BMERB1: variants seen among roughly 807,000 people sequenced by gnomAD.
The protein encoded by BMERB1 is bMERB domain-containing protein 1.
In BMERB1, 12 loss-of-function variants were observed where a neutral mutation model predicts 23.6. The observed-to-expected ratio is 0.51, with a 90% CI of 0.33 to 0.82. The LOEUF is 0.82. Among genes scored for constraint, BMERB1 ranks in the 40% least tolerant of loss-of-function variants. The pLI is 0.03. For synonymous variants in BMERB1, 122 were observed against 96.6 expected (o/e 1.26, Z -1.54); for missense variants, 247 against 255.4 (o/e 0.97, Z 0.22).
At chr16:15,468,959 T>C (rs952456163) in intron 1 of BMERB1, among the ~76,000 whole-genome samples, 1 of 150,906 alleles carries the variant, frequency 6.6e-6, no homozygotes, top group Non-Finnish European at 1.5e-5. Context: ...ATAAATCATC[T>C]TCACACTTTT....
chr16:15,513,115 C>T (rs767424764), intron 1 of BMERB1, among the ~76,000 whole-genome samples: 2 of 152,046 alleles, frequency 1.3e-5, no homozygotes, highest in African/African-American at 2.4e-5. Context: ...CCCCCACTAC[C>T]GATCAAAGGC....
At position 15,541,423 on chromosome 16, in the gene BMERB1, G is replaced by GTT. The variant is rs869249451; in HGVS notation, c.230+26016_230+26017dup. Among the ~76,000 whole-genome samples, 316 of 92,062 alleles carry GTT rather than the reference G, an allele frequency of 3.4e-3. 1 individual carries two copies. Among genetic ancestry groups the GTT allele is most frequent in the Non-Finnish European group, 4.8e-3 (248 of 51,974 alleles). 60.4% of individuals were successfully genotyped at this position (92,062 alleles called of 152,430 possible). A position where few individuals can be genotyped will look rare whatever the true frequency, so the allele number is the denominator to read the frequency against. On this transcript the variant is annotated intron_variant, in intron 2 of 5. Coordinates refer to ENST00000300006, the MANE Select transcript of BMERB1 (RefSeq NM_033201.3). ...GGGACTGGAAGTTGCCCGCCGAATT[G>GTT]TTTTTTTTTTTTTTTTTTTTTTGAG...
chr16:15,523,039 T>C (rs2051872016), intron 2 of BMERB1, among the ~76,000 whole-genome samples: 1 of 151,988 alleles, frequency 6.6e-6, no homozygotes, highest in Non-Finnish European at 1.5e-5. Context: ...TTTTATTGAG[T>C]GGAGGTAGCT....
At chr16:15,485,727 C>G (rs1347930478) in intron 1 of BMERB1, among the ~76,000 whole-genome samples, 2 of 149,894 alleles carry the variant, frequency 1.3e-5, no homozygotes, top group Admixed American at 1.3e-4. Flanking sequence ...AAAAAAAAAG[C>G]AAACAAACAA....
At chr16:15,585,393 A>G (rs2031115705) in intron 5 of BMERB1, among the ~76,000 whole-genome samples, 1 of 152,204 alleles carries the variant, frequency 6.6e-6, no homozygotes, top group Admixed American at 6.5e-5. Flanking sequence ...TGAAAAATAA[A>G]AACTATTGTA....
At chr16:15,573,866 G>T (rs1294211063) in intron 3 of BMERB1, among the ~76,000 whole-genome samples, 1 of 148,272 alleles carries the variant, frequency 6.7e-6, no homozygotes, top group East Asian at 2.0e-4. Context: ...GGAAGGTCAA[G>T]GAGAAGCAAG....
chr16:15,546,025 G>A (rs948808118), intron 2 of BMERB1, among the ~76,000 whole-genome samples: 3 of 152,118 alleles, frequency 2.0e-5, no homozygotes, highest in Non-Finnish European at 4.4e-5. Context: ...AGGGGCTCAC[G>A]CCTGTAATCC....
chr16:15,437,734 G>T lies in BMERB1; in HGVS notation c.106+2975G>T, dbSNP rs546885850. 5.9e-5 allele frequency among the ~76,000 whole-genome samples: 9 copies of T among 152,180 alleles called. No homozygotes were observed. In the East Asian group the frequency reaches 1.2e-3, roughly 20 times the overall value. On this transcript the variant is annotated intron_variant, in intron 1 of 5. Transcript: ENST00000300006. ...AGCACTTTGGGAGGCCGAGGCGGGC[G>T]GATCACAAGGTCAGGAGATCAAGAC... is the stretch of plus-strand genomic sequence containing the variant.
At chr16:15,581,164 A>G in intron 3 of BMERB1, 53 bp from the exon 4 acceptor site, 1 of 1,382,340 alleles carries the variant, frequency 7.2e-7, no homozygotes, top group South Asian at 1.3e-5. Context: ...TGATCCGCCC[A>G]CCTCAGCCTC....
chr16:15,519,128 G>C (rs2051818267), intron 2 of BMERB1, among the ~76,000 whole-genome samples: 1 of 148,364 alleles, frequency 6.7e-6, no homozygotes. Context: ...TCTTGGCACA[G>C]AGTAGGAGAG....
chr16:15,549,676 TAA>T (rs768470162), intron 2 of BMERB1, among the ~76,000 whole-genome samples: 17 of 130,578 alleles, frequency 1.3e-4, no homozygotes, highest in Non-Finnish European at 1.8e-4. Flanking sequence ...AGACATTGTC[TAA>T]AAAAAAAAAA....
chr16:15,501,483 T>G (rs1241249328), intron 1 of BMERB1, among the ~76,000 whole-genome samples: 1 of 151,764 alleles, frequency 6.6e-6, no homozygotes, highest in Non-Finnish European at 1.5e-5. Flanking sequence ...TTGTTCTTGT[T>G]GTTCTTGTTG....
At chr16:15,535,648 C>CAAAAAAAA (rs34379447) in intron 2 of BMERB1, among the ~76,000 whole-genome samples, 5 of 100,682 alleles carry the variant, frequency 5.0e-5, no homozygotes, top group African/African-American at 2.0e-4. Flanking sequence ...GACTCCATCT[C>CAAAAAAAA]AAAAAAAAAA....
intron 2 of BMERB1, among the ~76,000 whole-genome samples, chr16:15,540,550 C>T (rs2052068546): frequency 6.6e-6 from 1 of 152,222 alleles, no homozygotes; most frequent in Middle Eastern, 3.4e-3. Flanking sequence ...ATAGAGAGGG[C>T]TTGAGGCATA....
intron 1 of BMERB1, among the ~76,000 whole-genome samples, chr16:15,463,889 A>T (rs1286717774): frequency 2.0e-5 from 3 of 151,904 alleles, no homozygotes; most frequent in African/African-American, 7.2e-5. Flanking sequence ...AAAAAAAAAA[A>T]AACTTGAAGC....
chr16:15,538,402 G>T (rs145958856), intron 2 of BMERB1, among the ~76,000 whole-genome samples: 1 of 151,940 alleles, frequency 6.6e-6, no homozygotes, highest in Non-Finnish European at 1.5e-5. Flanking sequence ...GCAGTGAGCC[G>T]AGATGTGCCA....
At chr16:15,456,518 A>G (rs1352108044) in intron 1 of BMERB1, among the ~76,000 whole-genome samples, 1 of 152,032 alleles carries the variant, frequency 6.6e-6, no homozygotes, top group African/African-American at 2.4e-5. Context: ...TGTATTTTTT[A>G]GTAGAGACTG....
At chr16:15,448,749 A>G (rs2051013075) in intron 1 of BMERB1, among the ~76,000 whole-genome samples, 1 of 152,198 alleles carries the variant, frequency 6.6e-6, no homozygotes, top group African/African-American at 2.4e-5. Flanking sequence ...CTGACATCGC[A>G]CTACTGCATT....
intron 1 of BMERB1, among the ~76,000 whole-genome samples, chr16:15,444,803 A>G (rs2050975388): frequency 6.6e-6 from 1 of 152,128 alleles, no homozygotes; most frequent in South Asian, 2.1e-4. Flanking sequence ...ACTTTGAATG[A>G]GTTATTTCAC....
Sources: gnomAD v4.1 joint callset for allele counts (sites outside exome capture counted in the v4.1 genomes callset) on GRCh38, gnomAD v4.1.1 for gene constraint, MANE v1.5 for transcripts, NCBI Gene and HGNC (gene_info 2026-07-23, HGNC 2026-07-21) for gene names.